Variants in TSGA10IP observed in about 807,000 individuals in gnomAD.
TSGA10IP encodes the protein testis-specific protein 10-interacting protein.
Under a neutral mutation model 63.2 loss-of-function variants are expected in TSGA10IP, and 64 were observed. The observed-to-expected ratio is 1.01, with a 90% CI of 0.83 to 1.25. The LOEUF is 1.25. Ranked by LOEUF, TSGA10IP falls within the 50% of genes most tolerant of loss-of-function variation. The probability of loss-of-function intolerance (pLI) is 0.00; values close to 1 mark genes in which losing one functional copy is unlikely to be tolerated. For synonymous variants in TSGA10IP, 316 were observed against 298.3 expected (o/e 1.06, Z -0.61); for missense variants, 681 against 710.1 (o/e 0.96, Z 0.47).
At chr11:65,950,388 C>CTTTA (rs60941654) in intron 4 of TSGA10IP, among the ~76,000 whole-genome samples, 2,228 of 151,790 alleles carry the variant, frequency 0.015, 22 homozygotes, top group Non-Finnish European at 0.023. Flanking sequence ...ATGAGTTTGA[C>CTTTA]TTTATTTATT....
intron 4 of TSGA10IP, among the ~76,000 whole-genome samples, chr11:65,948,450 T>TGGGGC: frequency 6.6e-6 from 1 of 152,208 alleles, no homozygotes; most frequent in Non-Finnish European, 1.5e-5. Context: ...ATCCATTAAA[T>TGGGGC]TATTAACTAA....
intron 5 of TSGA10IP, among the ~76,000 whole-genome samples, chr11:65,954,834 A>C (rs1174048951): frequency 1.3e-5 from 2 of 151,508 alleles, no homozygotes; most frequent in Admixed American, 6.6e-5. Flanking sequence ...AAAAAAAAAA[A>C]GCCCACCCTG....
intron 5 of TSGA10IP, 149 bp downstream of exon 5, chr11:65,953,886 G>A: frequency 1.7e-6 from 1 of 581,820 alleles, no homozygotes; most frequent in Non-Finnish European, 2.7e-6. Flanking sequence ...GGACGCTGAG[G>A]CATGGGGAGA....
At chr11:65,959,699 G>A in intron 7 of TSGA10IP, 118 bp from the exon 8 acceptor site, 2 of 1,386,100 alleles carry the variant, frequency 1.4e-6, no homozygotes, top group Admixed American at 2.8e-5. Context: ...GAGTCACTTT[G>A]CCCAGGATCA....
chr11:65,958,992 G>A lies in TSGA10IP; in HGVS notation c.1422+10G>A. On this transcript the variant is annotated intron_variant, in intron 6 of 7. Coordinates refer to ENST00000532620, the Ensembl canonical transcript of TSGA10IP. The stretch of plus-strand genomic sequence containing the variant: ...CCAGCAGGCTATGCAGGTGAGGCTG[G>A]CACCTGGGCAAGCACATAGCTGCCC... The A allele has an allele frequency of 6.2e-7, 1 of 1,612,424 alleles. No individual in the cohort carries two copies. Among genetic ancestry groups the A allele is most frequent in the Non-Finnish European group, 8.5e-7 (1 of 1,179,484 alleles).
At position 65,954,270 on chromosome 11, in the gene TSGA10IP, A is replaced by G. The variant is rs576974247; in HGVS notation, c.1322+533A>G. Among the ~76,000 whole-genome samples the G allele has an allele frequency of 3.4e-5, 5 of 147,802 alleles. 1 individual carries two copies. In the South Asian group the frequency reaches 1.1e-3, roughly 31 times the overall value. On this transcript the variant is annotated intron_variant, in intron 5 of 7. Coordinates refer to ENST00000532620, the Ensembl canonical transcript of TSGA10IP. ...AATCTCCGCCTCCCAGCTTCACGCC[A>G]TTCTCCTGCCTCAGTCTCCCGAGTA...
In TSGA10IP at chr11:65,954,473, C is replaced by T. The variant is rs528455964; in HGVS notation, c.1322+736C>T. Among the ~76,000 whole-genome samples the T allele has an allele frequency of 4.6e-5, 7 of 152,008 alleles. 1 individual carries two copies. The highest frequency in any genetic ancestry group is 2.1e-4 in the South Asian group (1 of 4,816). ...ACAGGTGTGAGACACTGCACCTGGC[C>T]GTGACCATTTTCCTAATAAGCAGAT... On this transcript the variant is annotated intron_variant, in intron 5 of 7. Coordinates refer to ENST00000532620, the Ensembl canonical transcript of TSGA10IP.
chr11:65,959,922 CCCGGAG>C lies in TSGA10IP; in HGVS notation c.1654_1659del (p.Pro552_Glu553del), dbSNP rs765024561. 9.9e-6 allele frequency: 16 copies of C among 1,613,250 alleles called. No homozygotes were observed. In the South Asian group the frequency reaches 1.6e-4, roughly 17 times the overall value. On this transcript the variant is annotated inframe_deletion, in exon 8 of 8. Coordinates refer to ENST00000532620, the Ensembl canonical transcript of TSGA10IP. ...ACAGGCACTACAACCCCAGCCTGGA[CCCGGAG>C]TGCAGTCCCTGAGATAAAATTAAAG...
At chr11:65,952,907 T>A (rs1854964489) in intron 4 of TSGA10IP, among the ~76,000 whole-genome samples, 1 of 152,160 alleles carries the variant, frequency 6.6e-6, no homozygotes, top group Non-Finnish European at 1.5e-5. Context: ...TTTCTATTTC[T>A]GTGAAAAATG....
At chr11:65,947,667 A>G (rs773881110) in exon 3 of TSGA10IP, 85 of 1,609,648 alleles carry the variant, frequency 5.3e-5, no homozygotes, top group Non-Finnish European at 7.2e-5. Context: ...TCTGGAGAGG[A>G]AGCCTCCGAT....
chr11:65,953,842 G>C (rs2134880005), intron 5 of TSGA10IP, 105 bp downstream of exon 5: 1 of 965,948 alleles, frequency 1.0e-6, no homozygotes, highest in African/African-American at 1.7e-5. Context: ...CTTCCCTGGG[G>C]CTAACCAGGC....
chr11:65,948,668 C>T (rs1421415142), intron 4 of TSGA10IP, among the ~76,000 whole-genome samples: 2 of 151,782 alleles, frequency 1.3e-5, no homozygotes, highest in Admixed American at 6.6e-5. Flanking sequence ...GAGTGAGACA[C>T]TGTCTCTAAA....
intron 5 of TSGA10IP, among the ~76,000 whole-genome samples, chr11:65,954,265 A>G (rs1590625201): frequency 6.8e-6 from 1 of 146,336 alleles, no homozygotes; most frequent in South Asian, 2.1e-4. Context: ...TCCCAGCTTC[A>G]CGCCATTCTC....
chr11:65,947,085 T>C (rs993415751), intron 2 of TSGA10IP, 25 bp from the exon 3 acceptor site: 2 of 1,608,232 alleles, frequency 1.2e-6, no homozygotes, highest in Non-Finnish European at 1.7e-6. Flanking sequence ...GCGCCGACCC[T>C]GACCCCCACC....
exon 1 of TSGA10IP, chr11:65,945,596 C>T (rs1854810503): frequency 1.3e-6 from 2 of 1,525,768 alleles, no homozygotes; most frequent in South Asian, 2.5e-5. Context: ...TTGCCAGACC[C>T]ATTGAGACTG....
chr11:65,958,884 C>T (rs1392602841), exon 6 of TSGA10IP: 9 of 1,611,890 alleles, frequency 5.6e-6, no homozygotes, highest in Middle Eastern at 1.6e-4. Flanking sequence ...CCCCTGCAGG[C>T]GCCAGGAGCG....
Position 65,945,765 on chromosome 11 carries a change from TC to T in TSGA10IP, c.92del (p.Pro31GlnfsTer139), listed in dbSNP as rs1854818261. The T allele has an allele frequency of 1.2e-6, 2 of 1,613,800 alleles. No individual in the cohort carries two copies. Among genetic ancestry groups the T allele is most frequent in the Non-Finnish European group, 1.7e-6 (2 of 1,179,850 alleles). The stretch of plus-strand genomic sequence containing the variant: ...CAGGGCAGGACGTGCGGCTCCAGGC[TC>T]CAGGAACCAGAACGGGGCTGCTCAA... On this transcript the variant is annotated frameshift_variant, in exon 1 of 8. Coordinates refer to ENST00000532620, the Ensembl canonical transcript of TSGA10IP. LOFTEE classifies it high-confidence loss of function.
At chr11:65,947,915 C>T in intron 3 of TSGA10IP, 86 bp from the exon 4 acceptor site, 16 of 1,511,400 alleles carry the variant, frequency 1.1e-5, no homozygotes, top group Non-Finnish European at 1.4e-5. Context: ...CTCAGGCAGG[C>T]TGGGCTGTGC....
At position 65,946,866 on chromosome 11, in the gene TSGA10IP, C is replaced by A; in HGVS notation, c.148-14C>A. 6.2e-7 allele frequency: 1 copy of A among 1,612,892 alleles called. No homozygotes were observed. The highest frequency in any genetic ancestry group is 1.3e-5 in the African/African-American group (1 of 75,036). On this transcript the variant is annotated splice_polypyrimidine_tract_variant and intron_variant, in intron 1 of 7. Coordinates refer to ENST00000532620, the Ensembl canonical transcript of TSGA10IP. ...GCTCAAGCTGGCTGCTCCTCCCCTA[C>A]TGTCTCTGCCCAGGGCTGCCTGGGG...
Sources: allele counts gnomAD v4.1 joint callset (sites outside exome capture counted in the v4.1 genomes callset), GRCh38; gene constraint gnomAD v4.1.1; transcripts MANE v1.5; gene names NCBI Gene and HGNC (gene_info 2026-07-23, HGNC 2026-07-21).